DDX60: variants seen among roughly 807,000 people sequenced by gnomAD.
DDX60 encodes probable ATP-dependent RNA helicase DDX60.
DDX60 carries 165 observed loss-of-function variants against 212.8 expected under a neutral mutation model. The ratio of observed to expected loss-of-function variants is 0.78; its 90% CI spans 0.68 to 0.88. The LOEUF (loss-of-function observed/expected upper bound fraction) is 0.88. DDX60 is among the 40% of genes least tolerant of loss of function. DDX60 has a pLI of 0.00. For synonymous variants in DDX60, 703 were observed against 685.3 expected (o/e 1.03, Z -0.40); for missense variants, 1,905 against 2,003.9 (o/e 0.95, Z 0.94).
intron 10 of DDX60, among the ~76,000 whole-genome samples, chr4:168,286,585 G>A (rs1335176723): frequency 2.0e-5 from 3 of 152,096 alleles, no homozygotes; most frequent in South Asian, 2.1e-4. Context: ...CTGTGCCTGC[G>A]TTTGTCGGGA....
At chr4:168,317,462 G>A (rs1382784135) in intron 1 of DDX60, among the ~76,000 whole-genome samples, 1 of 151,708 alleles carries the variant, frequency 6.6e-6, no homozygotes, top group African/African-American at 2.4e-5. Flanking sequence ...CAAAGGGGAG[G>A]TAAAGAGGAA....
intron 34 of DDX60, 97 bp from the exon 35 acceptor site, chr4:168,224,482 T>A: frequency 8.3e-7 from 1 of 1,205,218 alleles, no homozygotes; most frequent in Non-Finnish European, 1.2e-6. Flanking sequence ...GGGGAGCCAT[T>A]CAGCTTCATG....
intron 7 of DDX60, 119 bp from the exon 8 acceptor site, chr4:168,292,025 C>T: frequency 2.5e-6 from 1 of 407,812 alleles, no homozygotes; most frequent in South Asian, 7.3e-5. Context: ...TGAATTATTC[C>T]TTTCTTTCTT....
At chr4:168,217,093 C>T in intron 37 of DDX60, 61 bp from the exon 38 acceptor site, 4 of 1,119,536 alleles carry the variant, frequency 3.6e-6, no homozygotes, top group Non-Finnish European at 5.2e-6. Context: ...ATAAGAAAGG[C>T]TTTCCTTGGT....
intron 30 of DDX60, among the ~76,000 whole-genome samples, chr4:168,244,379 T>C (rs1049714768): frequency 8.5e-5 from 13 of 152,166 alleles, no homozygotes; most frequent in African/African-American, 2.9e-4. Flanking sequence ...CAATATAAAT[T>C]GACATTTAAA....
Position 168,268,857 on chromosome 4 carries a change from G to A in DDX60, c.2783C>T (p.Thr928Ile). ...CAAATTGAAACTTAATGCCTACTCG[G>A]TGAGATGTTCAGGATTACTTATGGT... ...SATISNPEHLTEWLQSVKWYW... is the reference protein window; with the variant it reads ...SATISNPEHLIEWLQSVKWYW... Residue 928 changes from threonine (T) to isoleucine (I), a missense_variant, in exon 20 of 38, where the codon ACC becomes ATC. Thr to Ile is a moderately conservative substitution (Grantham distance 89). Coordinates refer to ENST00000393743, the MANE Select transcript of DDX60 (RefSeq NM_017631.6). 1 of 1,528,394 alleles carries A rather than the reference G, an allele frequency of 6.5e-7. No homozygotes were observed. Among genetic ancestry groups the A allele is most frequent in the East Asian group, 2.3e-5 (1 of 43,886 alleles). 94.7% of individuals were successfully genotyped at this position (1,528,394 alleles called of 1,614,324 possible).
chr4:168,260,780 G>C, intron 25 of DDX60, 85 bp downstream of exon 25: 1 of 1,211,920 alleles, frequency 8.3e-7, no homozygotes, highest in Non-Finnish European at 1.2e-6. Context: ...GTGATGGTCT[G>C]TGGCCTGGAG....
chr4:168,261,950 T>G, intron 24 of DDX60, 50 bp downstream of exon 24: 1 of 1,561,462 alleles, frequency 6.4e-7, no homozygotes, highest in Non-Finnish European at 8.6e-7. Context: ...ATGATATAAC[T>G]CAAGAAAACA....
chr4:168,277,821 AG>A (rs377066526), intron 14 of DDX60, among the ~76,000 whole-genome samples: 2,906 of 140,680 alleles, frequency 0.021, 68 homozygotes, highest in African/African-American at 0.082. Context: ...AAAAAAAAAA[AG>A]AAAAAAAAAA....
chr4:168,232,950 C>A (rs1444900028), intron 33 of DDX60, among the ~76,000 whole-genome samples: 1 of 151,930 alleles, frequency 6.6e-6, no homozygotes, highest in East Asian at 1.9e-4. Flanking sequence ...AAATCACAAA[C>A]TATCCATCCA....
At chr4:168,273,540 C>A in intron 17 of DDX60, 142 bp from the exon 18 acceptor site, 1 of 896,404 alleles carries the variant, frequency 1.1e-6, no homozygotes, top group South Asian at 1.8e-5. Flanking sequence ...CTACTCTAAA[C>A]ACACTAACAT....
rs1300284364 is a variant in DDX60, at chr4:168,238,397, AGGGAG to A, written c.4165-607_4165-603del. On this transcript the variant is annotated intron_variant, in intron 30 of 37. Coordinates refer to ENST00000393743, the MANE Select transcript of DDX60 (RefSeq NM_017631.6). ...GAAAAAAATAAGGAAGGGAAGGGAA[AGGGAG>A]GGGAGGGGAGGAGAGGGGAGGGAAG... Among the ~76,000 whole-genome samples, 3 of 115,740 alleles carry A rather than the reference AGGGAG, an allele frequency of 2.6e-5. No individual in the cohort carries two copies. In the Admixed American group the frequency reaches 3.0e-4, roughly 12 times the overall value. The allele number at this position is 115,740 out of a possible 152,430, so 75.9% of individuals were successfully genotyped here.
chr4:168,285,937 A>AAGGAAGGAAGGAAGGG (rs1560858900), intron 10 of DDX60, among the ~76,000 whole-genome samples: 1 of 97,214 alleles, frequency 1.0e-5, no homozygotes, highest in African/African-American at 4.3e-5. Flanking sequence ...GGAAGGAAGG[A>AAGGAAGGAAGGAAGGG]AGGGAGGAAG....
intron 14 of DDX60, among the ~76,000 whole-genome samples, chr4:168,277,220 A>G (rs594330): frequency 0.062 from 9,460 of 152,198 alleles, 706 homozygotes; most frequent in African/African-American, 0.18. Flanking sequence ...AGCACATGGT[A>G]TCCACAGCAG....
At chr4:168,225,902 A>C (rs1733237417) in intron 33 of DDX60, among the ~76,000 whole-genome samples, 1 of 152,060 alleles carries the variant, frequency 6.6e-6, no homozygotes, top group Non-Finnish European at 1.5e-5. Context: ...ATTACCCTTA[A>C]AAATGTATTT....
intron 10 of DDX60, among the ~76,000 whole-genome samples, chr4:168,286,504 T>G (rs898266025): frequency 5.9e-5 from 9 of 151,532 alleles, no homozygotes; most frequent in Admixed American, 1.3e-4. Context: ...TGACTTTTTA[T>G]TCTATTGAAT....
chr4:168,277,086 T>C (rs1240949210), intron 14 of DDX60, among the ~76,000 whole-genome samples: 2 of 152,232 alleles, frequency 1.3e-5, no homozygotes, highest in East Asian at 1.9e-4. Flanking sequence ...GGAGGTATTA[T>C]GGAACAAGAT....
At chr4:168,292,833 A>G (rs1459740032) in intron 7 of DDX60, among the ~76,000 whole-genome samples, 1 of 152,216 alleles carries the variant, frequency 6.6e-6, no homozygotes, top group African/African-American at 2.4e-5. Flanking sequence ...TAGAAATTCC[A>G]GAGAGGCAGA....
chr4:168,225,614 A>G lies in DDX60; in HGVS notation c.4596T>C (p.Ile1532=). The change falls in exon 34 of 38, where the codon ATT becomes ATC. Residue 1532 remains isoleucine, a synonymous_variant. Transcript: ENST00000393743. ...GTAGGAAAGTGGTAAAGTCCTCCAT[A>G]ATTTTCATGTTATATTCATCTAAAG... is the stretch of plus-strand genomic sequence containing the variant. The part of the protein sequence containing the change: ...SDALDEYNMK[I]MEDFTTFLRI... 6.2e-7 allele frequency: 1 copy of G among 1,611,928 alleles called. No homozygotes were observed. Among genetic ancestry groups the G allele is most frequent in the Non-Finnish European group, 8.5e-7 (1 of 1,178,922 alleles).
Sources: gnomAD v4.1 joint callset for allele counts (sites outside exome capture counted in the v4.1 genomes callset) on GRCh38, gnomAD v4.1.1 for gene constraint, MANE v1.5 for transcripts, NCBI Gene and HGNC (gene_info 2026-07-23, HGNC 2026-07-21) for gene names.